COL14A1: variants seen among roughly 807,000 people sequenced by gnomAD.
The protein encoded by COL14A1 is collagen type XIV alpha 1 chain.
In COL14A1, 136 loss-of-function variants were observed where a neutral mutation model predicts 230.3. The observed-to-expected ratio is 0.59, with a 90% CI of 0.51 to 0.68. The LOEUF is 0.68. COL14A1 is among the 30% of genes least tolerant of loss of function. The pLI, the probability that COL14A1 is intolerant of heterozygous loss-of-function variation, is 0.00. For missense variants in COL14A1, 1,976 were observed against 2,215.8 expected (o/e 0.89, Z 2.17); for synonymous variants, 792 against 784.1 (o/e 1.01, Z -0.17).
At position 120,311,623 on chromosome 8, in the gene COL14A1, G is replaced by A. The variant is rs113966953; in HGVS notation, c.4455+1561G>A. Among the ~76,000 whole-genome samples, 246 of 152,194 alleles carry A rather than the reference G, an allele frequency of 1.6e-3. 2 individuals carry two copies. The highest frequency in any genetic ancestry group is 0.01 in the Middle Eastern group (3 of 294). On this transcript the variant is annotated intron_variant, in intron 37 of 47. Transcript: ENST00000297848. The stretch of plus-strand genomic sequence containing the variant: ...GTGCAGGAATAGATACCTTGCATAC[G>A]GAAGGCCCCAGTATGTATGATTTTT...
chr8:120,223,168 C>T (rs933820500), intron 14 of COL14A1, among the ~76,000 whole-genome samples: 2 of 152,102 alleles, frequency 1.3e-5, no homozygotes, highest in Non-Finnish European at 2.9e-5. Flanking sequence ...AAGGTGCTGC[C>T]CCAGATTATG....
Position 120,278,622 on chromosome 8 carries a change from ATTG to A in COL14A1, c.3481+47_3481+49del, listed in dbSNP as rs763056279. The A allele has an allele frequency of 5.7e-6, 9 of 1,568,026 alleles. No individual in the cohort carries two copies. In the African/African-American group the frequency reaches 8.1e-5, roughly 14 times the overall value. ...AGTGGCTACCAAATATGATGTTAGA[ATTG>A]TTATTTTCTAAATACAAATTTATAG... On this transcript the variant is annotated intron_variant, in intron 28 of 47. Coordinates refer to ENST00000297848, the MANE Select transcript of COL14A1 (RefSeq NM_021110.4).
chr8:120,270,188 A>T lies in COL14A1; in HGVS notation c.3213+14A>T, dbSNP rs953282871. ...GATGGAACCCAAGTAAGGCTAATAAATAATTAATTCATTCTATGTATTTAG... is the reference window on the plus strand; with the variant it reads ...GATGGAACCCAAGTAAGGCTAATAATTAATTAATTCATTCTATGTATTTAG... On this transcript the variant is annotated intron_variant, in intron 26 of 47. Transcript: ENST00000297848. 3.6e-5 allele frequency: 57 copies of T among 1,604,734 alleles called. No individual in the cohort carries two copies. The highest frequency in any genetic ancestry group is 4.6e-5 in the Non-Finnish European group (54 of 1,175,060).
intron 19 of COL14A1, among the ~76,000 whole-genome samples, chr8:120,237,057 C>T (rs987774424): frequency 8.5e-5 from 13 of 152,116 alleles, no homozygotes; most frequent in Admixed American, 7.9e-4. Flanking sequence ...AACATTTTTT[C>T]CTTCATTTCA....
chr8:120,326,367 T>C (rs1203601093), intron 40 of COL14A1, among the ~76,000 whole-genome samples: 2 of 152,226 alleles, frequency 1.3e-5, no homozygotes, highest in East Asian at 3.9e-4. Flanking sequence ...TCCTCAAAAC[T>C]GTAAACTCTT....
chr8:120,326,833 C>A (rs893597540), intron 40 of COL14A1, among the ~76,000 whole-genome samples: 1 of 152,104 alleles, frequency 6.6e-6, no homozygotes, highest in Non-Finnish European at 1.5e-5. Context: ...TGAGACCAGC[C>A]TGGCCAACAT....
intron 4 of COL14A1, among the ~76,000 whole-genome samples, chr8:120,166,879 T>TGTGTG (rs1323909273): frequency 8.7e-6 from 1 of 115,478 alleles, no homozygotes; most frequent in East Asian, 3.0e-4. Context: ...AATTTAAGTG[T>TGTGTG]GTGTGTGTGT....
chr8:120,195,916 G>A (rs182665290), intron 5 of COL14A1, among the ~76,000 whole-genome samples: 2 of 152,230 alleles, frequency 1.3e-5, no homozygotes, highest in Non-Finnish European at 2.9e-5. Context: ...CTTTGTCTTG[G>A]CTCGGTGTGA....
chr8:120,158,190 G>T lies in COL14A1; in HGVS notation c.149G>T (p.Trp50Leu). The T allele has an allele frequency of 6.2e-7, 1 of 1,611,148 alleles. No individual in the cohort carries two copies. Among genetic ancestry groups the T allele is most frequent in the Non-Finnish European group, 8.5e-7 (1 of 1,178,222 alleles). The change falls in exon 3 of 48, where the codon TGG becomes TTG. Residue 50 changes from tryptophan (W) to leucine (L), a missense_variant. By Grantham distance (61) the Trp-to-Leu change is moderately conservative (BLOSUM62 -2). This residue lies in a region of COL14A1 where 181 missense variants were observed against 178.6 expected (regional missense o/e 1.01). Coordinates refer to ENST00000297848, the MANE Select transcript of COL14A1 (RefSeq NM_021110.4). ...VISHDSIQIS[W>L]KAPRGKFGGY... ...TCTCATGACAGTATACAGATTTCAT[G>T]GAAGGCTCCAAGAGGGAAATTTGGT...
At chr8:120,370,691 TAA>T (rs1823556937) in intron 47 of COL14A1, 1 of 1,425,192 alleles carries the variant, frequency 7.0e-7, no homozygotes, top group Non-Finnish European at 9.3e-7. Flanking sequence ...AGCTTCATAA[TAA>T]AGTTACTTAA....
At chr8:120,128,650 G>C (rs529748707) in intron 1 of COL14A1, among the ~76,000 whole-genome samples, 13 of 152,264 alleles carry the variant, frequency 8.5e-5, no homozygotes, top group African/African-American at 3.1e-4. Context: ...CGGGCATTGA[G>C]AATATAAAAG....
intron 4 of COL14A1, 32 bp from the exon 5 acceptor site, chr8:120,168,129 A>G: frequency 7.1e-7 from 1 of 1,417,778 alleles, no homozygotes. Context: ...ATTTTAGTAT[A>G]ACATGGTGCT....
chr8:120,356,118 A>G (rs1822976411), intron 45 of COL14A1, among the ~76,000 whole-genome samples: 1 of 152,242 alleles, frequency 6.6e-6, no homozygotes, highest in Admixed American at 6.5e-5. Flanking sequence ...TAAGTGAGTT[A>G]TATAGAATAT....
intron 2 of COL14A1, among the ~76,000 whole-genome samples, chr8:120,155,321 G>A (rs1257316408): frequency 6.6e-6 from 1 of 152,170 alleles, no homozygotes; most frequent in African/African-American, 2.4e-5. Flanking sequence ...TTGAATGGAA[G>A]CCGATGCCAC....
At chr8:120,211,821 T>A (rs940003803) in intron 12 of COL14A1, among the ~76,000 whole-genome samples, 1 of 152,202 alleles carries the variant, frequency 6.6e-6, no homozygotes, top group African/African-American at 2.4e-5. Flanking sequence ...GTCACACAAC[T>A]GAGAATGTTG....
At chr8:120,139,753 C>T (rs1279578594) in intron 1 of COL14A1, among the ~76,000 whole-genome samples, 4 of 152,212 alleles carry the variant, frequency 2.6e-5, no homozygotes, top group South Asian at 2.1e-4. Context: ...TAGCCAAGTG[C>T]GGTGGCTCAT....
At chr8:120,223,940 C>G (rs1818010558) in intron 14 of COL14A1, among the ~76,000 whole-genome samples, 1 of 151,764 alleles carries the variant, frequency 6.6e-6, no homozygotes, top group South Asian at 2.1e-4. Context: ...GCGCTGCAGC[C>G]CCGTGCCCAA....
chr8:120,171,198 G>T (rs1353500352), intron 5 of COL14A1, among the ~76,000 whole-genome samples: 1 of 151,880 alleles, frequency 6.6e-6, no homozygotes, highest in Non-Finnish European at 1.5e-5. Flanking sequence ...ACAGAATATA[G>T]AATTTAATAA....
intron 40 of COL14A1, among the ~76,000 whole-genome samples, chr8:120,322,936 T>A (rs1415947232): frequency 6.6e-6 from 1 of 152,240 alleles, no homozygotes; most frequent in Non-Finnish European, 1.5e-5. Flanking sequence ...GATTGTGAGG[T>A]TGAATGGTAA....
Sources: gnomAD v4.1 joint callset for allele counts (sites outside exome capture counted in the v4.1 genomes callset) on GRCh38, gnomAD v4.1.1 for gene constraint, gnomAD v4.1.1 regional missense constraint, MANE v1.5 for transcripts, NCBI Gene and HGNC (gene_info 2026-07-23, HGNC 2026-07-21) for gene names.